The following DAB1 variants were observed in gnomAD, a reference collection of about 807,000 sequenced individuals.
DAB1 encodes disabled homolog 1.
In DAB1, 15 loss-of-function variants were observed where a neutral mutation model predicts 64.6. The observed-to-expected ratio is 0.23, with a 90% CI of 0.16 to 0.36. The LOEUF is 0.36. DAB1 is among the 10% of genes least tolerant of loss of function. DAB1 has a pLI of 1.00. For missense variants in DAB1, 596 were observed against 706.7 expected, an observed-to-expected ratio of 0.84 and a Z score of 1.78; for synonymous variants, 235 against 251.9, an observed-to-expected ratio of 0.93 and a Z score of 0.64.
intron 2 of DAB1, among the ~76,000 whole-genome samples, chr1:57,276,118 G>T (rs760185430): frequency 6.6e-6 from 1 of 152,238 alleles, no homozygotes; most frequent in Non-Finnish European, 1.5e-5. Context: ...TAAATACACA[G>T]AAGGATCAGA....
In DAB1 at chr1:58,481,230, A is replaced by G. The variant is rs895222955; in HGVS notation, n.257+24830T>C. The G allele has an allele frequency of 5.1e-6, 3 of 582,954 alleles. No homozygotes were observed. In the African/African-American group the frequency reaches 5.7e-5, roughly 11 times the overall value. 36.1% of individuals were successfully genotyped at this position (582,954 alleles called of 1,614,324 possible). ...TATATATATACATCAATGTATTCAGATTGTTTCAGTAATCCCTAATATGCT... is the reference window on the plus strand; with the variant it reads ...TATATATATACATCAATGTATTCAGGTTGTTTCAGTAATCCCTAATATGCT... On this transcript the variant is annotated intron_variant and non_coding_transcript_variant, in intron 3 of 20. Transcript: ENST00000485760.
At chr1:57,935,406 G>A (rs1645011310) in intron 5 of DAB1, among the ~76,000 whole-genome samples, 1 of 152,132 alleles carries the variant, frequency 6.6e-6, no homozygotes, top group Admixed American at 6.5e-5. Context: ...ATGATCTGGT[G>A]TTCAATAAAT....
At chr1:58,487,789 C>A (rs1274783903) in intron 3 of DAB1, among the ~76,000 whole-genome samples, 2 of 152,104 alleles carry the variant, frequency 1.3e-5, no homozygotes, top group East Asian at 1.9e-4. Context: ...TTCCCCTCCC[C>A]CCTCAACACA....
chr1:57,980,644 C>T (rs1416797235), intron 5 of DAB1, among the ~76,000 whole-genome samples: 2 of 152,070 alleles, frequency 1.3e-5, no homozygotes, highest in Non-Finnish European at 2.9e-5. Flanking sequence ...AACTGTTAGT[C>T]TTGTAGAGTC....
intron 2 of DAB1, among the ~76,000 whole-genome samples, chr1:58,508,343 T>C (rs1473435065): frequency 6.6e-6 from 1 of 152,168 alleles, no homozygotes; most frequent in Non-Finnish European, 1.5e-5. Context: ...ATCAGCAAGA[T>C]GGAAGAATAG....
chr1:58,015,673 C>A (rs561002391), intron 5 of DAB1, among the ~76,000 whole-genome samples: 1 of 152,146 alleles, frequency 6.6e-6, no homozygotes, highest in South Asian at 2.1e-4. Context: ...CTTGGCTGCA[C>A]CTTAAAATCA....
At chr1:58,347,492 T>G (rs1644012722) in intron 3 of DAB1, among the ~76,000 whole-genome samples, 1 of 152,164 alleles carries the variant, frequency 6.6e-6, no homozygotes. Flanking sequence ...CACTTCAAGA[T>G]CAAAAAATGC....
intron 14 of DAB1, 102 bp downstream of exon 14, chr1:57,010,578 A>G (rs150708313): frequency 4.6e-4 from 260 of 563,950 alleles, no homozygotes; most frequent in African/African-American, 4.6e-3. Flanking sequence ...AGGCAAGGAG[A>G]CATGGTGCAA....
intron 3 of DAB1, among the ~76,000 whole-genome samples, chr1:58,394,164 A>G (rs1397764973): frequency 6.6e-6 from 1 of 152,204 alleles, no homozygotes; most frequent in Non-Finnish European, 1.5e-5. Flanking sequence ...TAAAACCTCA[A>G]TGAGATATGA....
intron 2 of DAB1, among the ~76,000 whole-genome samples, chr1:58,523,033 T>A (rs1355636181): frequency 1.3e-5 from 2 of 152,226 alleles, no homozygotes; most frequent in East Asian, 1.9e-4. Flanking sequence ...TAGTCTTGAA[T>A]AATCAGAATC....
chr1:57,487,147 T>A (rs963594864), intron 7 of DAB1, among the ~76,000 whole-genome samples: 4 of 152,074 alleles, frequency 2.6e-5, no homozygotes, highest in African/African-American at 4.8e-5. Context: ...CTTTTAGGGA[T>A]GATGCGATGG....
At chr1:58,132,854 T>C (rs1228715635) in intron 5 of DAB1, among the ~76,000 whole-genome samples, 3 of 152,156 alleles carry the variant, frequency 2.0e-5, no homozygotes. Context: ...AACAGCACAA[T>C]TAAAGTGAAT....
chr1:57,006,767 G>T (rs1646085663), intron 14 of DAB1, among the ~76,000 whole-genome samples: 1 of 152,178 alleles, frequency 6.6e-6, no homozygotes, highest in African/African-American at 2.4e-5. Flanking sequence ...TATTTAAAAA[G>T]AGAATGGTAA....
At chr1:58,122,612 C>T (rs1406259648) in intron 5 of DAB1, among the ~76,000 whole-genome samples, 1 of 151,148 alleles carries the variant, frequency 6.6e-6, no homozygotes, top group Non-Finnish European at 1.5e-5. Context: ...AAAAAAAATG[C>T]ATTTTCACAC....
At chr1:58,487,927 C>T (rs773706251) in intron 3 of DAB1, among the ~76,000 whole-genome samples, 3 of 152,126 alleles carry the variant, frequency 2.0e-5, no homozygotes, top group Non-Finnish European at 2.9e-5. Context: ...ATCCTATTTA[C>T]ATTTTACTTT....
chr1:57,818,586 T>G (rs1279566684), intron 6 of DAB1, among the ~76,000 whole-genome samples: 1 of 152,096 alleles, frequency 6.6e-6, no homozygotes, highest in African/African-American at 2.4e-5. Flanking sequence ...CTAAGCAGCT[T>G]ACATACATTC....
intron 3 of DAB1, among the ~76,000 whole-genome samples, chr1:58,398,863 G>C (rs1644546658): frequency 1.3e-5 from 2 of 152,188 alleles, no homozygotes; most frequent in African/African-American, 4.8e-5. Flanking sequence ...GTATCACTTT[G>C]CTGAGTTACT....
At chr1:57,316,313 A>C (rs2100749584) in intron 1 of DAB1, among the ~76,000 whole-genome samples, 1 of 152,330 alleles carries the variant, frequency 6.6e-6, no homozygotes, top group East Asian at 1.9e-4. Flanking sequence ...AGATCTATAC[A>C]AATGTATTTT....
chr1:57,043,046 T>C (rs1647997931), intron 9 of DAB1, among the ~76,000 whole-genome samples: 2 of 152,188 alleles, frequency 1.3e-5, no homozygotes, highest in Non-Finnish European at 2.9e-5. Flanking sequence ...AGGGATATGA[T>C]GCCCTCCTAG....
Sources: gnomAD v4.1 joint callset for allele counts (sites outside exome capture counted in the v4.1 genomes callset) on GRCh38, gnomAD v4.1.1 for gene constraint, MANE v1.5 for transcripts, NCBI Gene and HGNC (gene_info 2026-07-23, HGNC 2026-07-21) for gene names.